NRG3: variants seen among roughly 807,000 people sequenced by gnomAD.
NRG3 encodes pro-neuregulin-3, membrane-bound isoform.
A neutral mutation model predicts 66.9 loss-of-function variants in NRG3; 31 were observed. That is an observed-to-expected ratio of 0.46 (90% CI 0.35 to 0.63). The LOEUF is 0.63. Ranked by LOEUF, NRG3 falls within the 20% of genes least tolerant of loss-of-function variation. NRG3 has a pLI of 0.00. For missense variants in NRG3, 910 were observed against 878.9 expected, an observed-to-expected ratio of 1.04 and a Z score of -0.45; for synonymous variants, 393 against 359.4, an observed-to-expected ratio of 1.09 and a Z score of -1.06.
intron 1 of NRG3, among the ~76,000 whole-genome samples, chr10:82,082,245 T>A (rs1354701513): frequency 6.6e-6 from 1 of 152,164 alleles, no homozygotes; most frequent in Non-Finnish European, 1.5e-5. Context: ...AATTAAGGGA[T>A]CTGAAACATC....
At chr10:82,428,923 CGT>C (rs2089615350) in intron 2 of NRG3, among the ~76,000 whole-genome samples, 1 of 151,782 alleles carries the variant, frequency 6.6e-6, no homozygotes, top group Non-Finnish European at 1.5e-5. Context: ...TAATAATTAA[CGT>C]ATATTACTGA....
chr10:82,715,119 G>T (rs933427804), intron 2 of NRG3, among the ~76,000 whole-genome samples: 3 of 152,110 alleles, frequency 2.0e-5, no homozygotes, highest in Non-Finnish European at 4.4e-5. Flanking sequence ...GTGTGGCTGG[G>T]CGTGGTGGCT....
chr10:82,574,007 A>G (rs567966551), intron 2 of NRG3, among the ~76,000 whole-genome samples: 7 of 151,940 alleles, frequency 4.6e-5, no homozygotes, highest in African/African-American at 1.7e-4. Context: ...TGGAACTACA[A>G]TATGATCCAA....
chr10:81,975,355 ATCTATC>A (rs1404841586), intron 1 of NRG3, among the ~76,000 whole-genome samples: 5 of 151,762 alleles, frequency 3.3e-5, no homozygotes, highest in Non-Finnish European at 7.4e-5. Flanking sequence ...CTATCTATCT[ATCTATC>A]TATCTATCTA....
intron 2 of NRG3, among the ~76,000 whole-genome samples, chr10:82,417,017 A>G (rs1456598180): frequency 6.6e-6 from 1 of 152,178 alleles, no homozygotes; most frequent in Non-Finnish European, 1.5e-5. Flanking sequence ...TTTGCCAGAA[A>G]GTTGAGGCAG....
At chr10:82,883,473 T>A (rs1842469049) in intron 4 of NRG3, among the ~76,000 whole-genome samples, 1 of 152,140 alleles carries the variant, frequency 6.6e-6, no homozygotes. Context: ...TTTGGGTACA[T>A]TAATTTTCCT....
At chr10:82,623,147 A>G (rs985234801) in intron 2 of NRG3, among the ~76,000 whole-genome samples, 11 of 152,070 alleles carry the variant, frequency 7.2e-5, no homozygotes, top group Admixed American at 3.9e-4. Context: ...CAGGCATTCT[A>G]TTGTTTCTCT....
chr10:81,928,043 C>T (rs1292941741), intron 1 of NRG3, among the ~76,000 whole-genome samples: 2 of 152,104 alleles, frequency 1.3e-5, no homozygotes, highest in African/African-American at 4.8e-5. Context: ...TACATCTTTA[C>T]AAGTAAATCA....
chr10:82,310,471 A>C (rs941184570), intron 1 of NRG3, among the ~76,000 whole-genome samples: 5 of 152,238 alleles, frequency 3.3e-5, no homozygotes, highest in African/African-American at 1.2e-4. Context: ...CTATGAAAGT[A>C]GTCTGGAGAT....
chr10:82,876,334 ATG>A lies in NRG3; in HGVS notation c.1054+10899_1054+10900del, dbSNP rs530362519. Among the ~76,000 whole-genome samples, 277 of 152,350 alleles carry A rather than the reference ATG, an allele frequency of 1.8e-3. 2 individuals are homozygous for A. The South Asian group carries it at 0.02, about 11-fold the overall frequency. On this transcript the variant is annotated intron_variant, in intron 4 of 8. Transcript: ENST00000372141. ...TATGTAATATGGTGAAACATTAATT[ATG>A]TAGTAATTATATAGTGATAGATAGA...
intron 2 of NRG3, among the ~76,000 whole-genome samples, chr10:82,362,704 C>T (rs7907266): frequency 0.13 from 19,940 of 151,552 alleles, 2,426 homozygotes; most frequent in African/African-American, 0.31. Context: ...AATATAAAGC[C>T]ACAGATTATC....
At chr10:81,970,647 T>TTGTG (rs140075518) in intron 1 of NRG3, among the ~76,000 whole-genome samples, 1 of 150,436 alleles carries the variant, frequency 6.6e-6, no homozygotes, top group Admixed American at 6.6e-5. Flanking sequence ...CCAGAAATAT[T>TTGTG]TGTGTGTGTG....
At chr10:82,015,972 A>G (rs2061769939) in intron 1 of NRG3, among the ~76,000 whole-genome samples, 1 of 150,822 alleles carries the variant, frequency 6.6e-6, no homozygotes, top group Non-Finnish European at 1.5e-5. Context: ...GATGTTCCCT[A>G]TAGAGACAGT....
intron 2 of NRG3, among the ~76,000 whole-genome samples, chr10:82,397,876 C>T (rs541890162): frequency 2.6e-5 from 4 of 152,258 alleles, no homozygotes; most frequent in African/African-American, 9.6e-5. Context: ...TACCAGCTGC[C>T]TCCTGAGAGA....
chr10:82,308,541 A>G (rs937075046), intron 1 of NRG3, among the ~76,000 whole-genome samples: 2 of 152,176 alleles, frequency 1.3e-5, no homozygotes, highest in African/African-American at 4.8e-5. Flanking sequence ...AATGTCCCTG[A>G]AAATGGATTT....
chr10:81,951,785 G>A (rs1001783211), intron 1 of NRG3, among the ~76,000 whole-genome samples: 5 of 152,154 alleles, frequency 3.3e-5, no homozygotes, highest in African/African-American at 4.8e-5. Flanking sequence ...TATACCCAAA[G>A]GATTATAAAT....
At chr10:82,420,173 T>A (rs2088954964) in intron 2 of NRG3, among the ~76,000 whole-genome samples, 1 of 152,136 alleles carries the variant, frequency 6.6e-6, no homozygotes, top group Admixed American at 6.6e-5. Flanking sequence ...TCTGTGCATT[T>A]GTTTTTCGTG....
chr10:82,930,584 C>G (rs1229526594), intron 4 of NRG3, among the ~76,000 whole-genome samples: 1 of 152,124 alleles, frequency 6.6e-6, no homozygotes, highest in African/African-American at 2.4e-5. Flanking sequence ...GTCTTAATTT[C>G]TTAGATGTCT....
chr10:82,857,518 G>C (rs1235123738), intron 3 of NRG3, among the ~76,000 whole-genome samples: 2 of 152,188 alleles, frequency 1.3e-5, no homozygotes, highest in Non-Finnish European at 1.5e-5. Context: ...TGGAGGTTGG[G>C]TGTGGGAGAT....
Sources: allele counts gnomAD v4.1 joint callset (sites outside exome capture counted in the v4.1 genomes callset), GRCh38; gene constraint gnomAD v4.1.1; transcripts MANE v1.5; gene names NCBI Gene and HGNC (gene_info 2026-07-23, HGNC 2026-07-21).